LRP4: variants seen among roughly 807,000 people sequenced by gnomAD.
LRP4 encodes low-density lipoprotein receptor-related protein 4.
LRP4 carries 95 observed loss-of-function variants against 220.3 expected under a neutral mutation model. The observed-to-expected ratio is 0.43, with a 90% confidence interval of 0.37 to 0.51. The LOEUF is 0.51. LRP4 is among the 20% of genes least tolerant of loss of function. The pLI is 0.00. For missense variants in LRP4, 1,925 were observed against 2,567.0 expected (o/e 0.75, Z 5.40); for synonymous variants, 903 against 954.6 (o/e 0.95, Z 1.00).
At chr11:46,896,817 C>A in intron 8 of LRP4, 52 bp downstream of exon 8, 1 of 1,613,308 alleles carries the variant, frequency 6.2e-7, no homozygotes, top group Non-Finnish European at 8.5e-7. Flanking sequence ...CTTTTCCACC[C>A]TTCCACCCCA....
At position 46,873,742 on chromosome 11, in the gene LRP4, A is replaced by G. The variant is rs1405396322; in HGVS notation, c.4230-149T>C. 6.5e-6 allele frequency: 4 copies of G among 615,684 alleles called. No homozygotes were observed. Among genetic ancestry groups the G allele is most frequent in the Non-Finnish European group, 8.6e-6 (3 of 349,878 alleles). 38.1% of individuals were successfully genotyped at this position (615,684 alleles called of 1,614,324 possible). On this transcript the variant is annotated intron_variant, in intron 28 of 37. Transcript: ENST00000378623. The surrounding 1 kb of genome is among the most constrained non-coding windows in gnomAD (Gnocchi z 4.2). Reference sequence around the variant, plus strand: ...TCTATGAGTACATTCCTCAGCACCCAGCATGATAGATGTTCAATAAAATAA... The same window carrying G: ...TCTATGAGTACATTCCTCAGCACCCGGCATGATAGATGTTCAATAAAATAA...
chr11:46,866,445 C>A (rs1940702778), intron 34 of LRP4, among the ~76,000 whole-genome samples: 1 of 145,776 alleles, frequency 6.9e-6, no homozygotes, highest in African/African-American at 2.7e-5. Flanking sequence ...CCATGCCTGG[C>A]TAATTAAAAA....
chr11:46,882,017 C>T (rs1941174498), intron 19 of LRP4, 114 bp from the exon 20 acceptor site: 1 of 973,806 alleles, frequency 1.0e-6, no homozygotes, highest in Admixed American at 2.0e-5. Context: ...CAGCCTCAGC[C>T]TCCTGCATCA....
chr11:46,893,160 G>A (rs767873190), intron 12 of LRP4, 31 bp from the exon 13 acceptor site: 6 of 1,613,948 alleles, frequency 3.7e-6, no homozygotes, highest in African/African-American at 1.3e-5. Context: ...AAAATGTCAA[G>A]GAGTCAACCC....
At chr11:46,895,046 G>T in intron 11 of LRP4, 120 bp downstream of exon 11, 2 of 1,411,472 alleles carry the variant, frequency 1.4e-6, no homozygotes, top group Non-Finnish European at 2.0e-6. Flanking sequence ...TGCAACTGTT[G>T]CTGCATTTTA....
chr11:46,908,381 T>A (rs1941796035), intron 1 of LRP4, among the ~76,000 whole-genome samples: 1 of 152,222 alleles, frequency 6.6e-6, no homozygotes, highest in South Asian at 2.1e-4. Flanking sequence ...TGCCATTACT[T>A]TTAATGACAA....
In LRP4 at chr11:46,886,184, G is replaced by A. The variant is rs1229959372; in HGVS notation, c.2425-12C>T. On this transcript the variant is annotated splice_polypyrimidine_tract_variant and intron_variant, in intron 17 of 37. Transcript: ENST00000378623. The stretch of plus-strand genomic sequence containing the variant: ...GTATCCACTACCACCTGGGCAGGAA[G>A]CAAAGCTGTATCACCAACTGTACTT... 1 of 1,612,884 alleles carries A rather than the reference G, an allele frequency of 6.2e-7. No homozygotes were observed. Among genetic ancestry groups the A allele is most frequent in the Non-Finnish European group, 8.5e-7 (1 of 1,178,934 alleles).
At chr11:46,903,137 G>A (rs1011686477) in intron 1 of LRP4, among the ~76,000 whole-genome samples, 1 of 152,168 alleles carries the variant, frequency 6.6e-6, no homozygotes, top group Admixed American at 6.5e-5. Flanking sequence ...CTTACAAAGA[G>A]TCCAGGTGAC....
Position 46,890,590 on chromosome 11 carries a change from G to A in LRP4, c.1698-96C>T. The stretch of plus-strand genomic sequence containing the variant: ...AGGGCGCTTTTATCCATTTAACTCA[G>A]GGGACTCCAATGTTTGGTCCACAGA... On this transcript the variant is annotated intron_variant, in intron 13 of 37. Coordinates refer to ENST00000378623, the MANE Select transcript of LRP4 (RefSeq NM_002334.4). This position sits in a 1 kb window ranked among gnomAD's most constrained non-coding sequence, Gnocchi z 5.3. 1 of 827,898 alleles carries A rather than the reference G, an allele frequency of 1.2e-6. No homozygotes were observed. 51.3% of individuals were successfully genotyped at this position (827,898 alleles called of 1,614,324 possible).
In LRP4 at chr11:46,876,370, G is replaced by A. The variant is rs147120829; in HGVS notation, c.3536+96C>T. On this transcript the variant is annotated intron_variant, in intron 25 of 37. Transcript: ENST00000378623. ...CCCAGGGAGGTCACCTTGTTTCTGT[G>A]ATGCAAGCTTCCTCTCCACTACCCA... is the stretch of plus-strand genomic sequence containing the variant. 1,985 of 1,452,152 alleles carry A rather than the reference G, an allele frequency of 1.4e-3. 2 individuals are homozygous for A. Among genetic ancestry groups the A allele is most frequent in the Non-Finnish European group, 1.7e-3 (1,759 of 1,034,522 alleles). The allele number at this position is 1,452,152 out of a possible 1,614,324, so 90.0% of individuals were successfully genotyped here. A position where few individuals can be genotyped will look rare whatever the true frequency, so the allele number is the denominator to read the frequency against.
At chr11:46,864,402 A>AT in intron 36 of LRP4, 46 bp downstream of exon 36, 18 of 1,353,342 alleles carry the variant, frequency 1.3e-5, no homozygotes, top group Non-Finnish European at 1.7e-5. Context: ...AGACATGCTC[A>AT]TGAAGACCAA....
chr11:46,910,632 C>T (rs985277353), intron 1 of LRP4, among the ~76,000 whole-genome samples: 2 of 149,450 alleles, frequency 1.3e-5, no homozygotes, highest in African/African-American at 4.9e-5. Context: ...GCTTTATTGC[C>T]TTTCTCTGAA....
In LRP4 at chr11:46,899,596, G is replaced by A. The variant is rs949930742; in HGVS notation, c.431-93C>T. On this transcript the variant is annotated intron_variant, in intron 4 of 37. Coordinates refer to ENST00000378623, the MANE Select transcript of LRP4 (RefSeq NM_002334.4). This position sits in a 1 kb window ranked among gnomAD's most constrained non-coding sequence, Gnocchi z 5.9. Reference sequence around the variant, plus strand: ...GACTCCCAACCTCACTGGCTTTGGCGGGTCTGACCTAGCCCCCGAAAGGCA... The same window carrying A: ...GACTCCCAACCTCACTGGCTTTGGCAGGTCTGACCTAGCCCCCGAAAGGCA... 9 of 966,556 alleles carry A rather than the reference G, an allele frequency of 9.3e-6. No individual in the cohort carries two copies. The highest frequency in any genetic ancestry group is 2.4e-5 in the East Asian group (1 of 42,022). 59.9% of individuals were successfully genotyped at this position (966,556 alleles called of 1,614,324 possible).
intron 30 of LRP4, 174 bp downstream of exon 30, chr11:46,872,926 G>A: frequency 2.0e-6 from 2 of 979,526 alleles, no homozygotes; most frequent in Non-Finnish European, 3.2e-6. Flanking sequence ...TAAGGGTTGA[G>A]GGCTGGATTT....
intron 1 of LRP4, among the ~76,000 whole-genome samples, chr11:46,915,920 T>G (rs1393415491): frequency 6.6e-6 from 1 of 152,074 alleles, no homozygotes; most frequent in Non-Finnish European, 1.5e-5. Context: ...TGGAATTGAG[T>G]GTCAGTCCAA....
At chr11:46,903,779 G>A (rs914812308) in intron 1 of LRP4, among the ~76,000 whole-genome samples, 2 of 152,080 alleles carry the variant, frequency 1.3e-5, no homozygotes, top group Non-Finnish European at 2.9e-5. Context: ...GCTGCTCTGA[G>A]TCCCCCAGGC....
At position 46,883,885 on chromosome 11, in the gene LRP4, C is replaced by T. The variant is rs1300144688; in HGVS notation, c.2598G>A (p.Val866=). The T allele has an allele frequency of 6.2e-7, 1 of 1,614,020 alleles. No homozygotes were observed. The highest frequency in any genetic ancestry group is 1.7e-5 in the Admixed American group (1 of 60,006). Reference sequence around the variant, plus strand: ...CAGCCACTCACCCGCCCATGGGTTCCACCACGATGTCCCGAGGACGATCAA... The same window carrying T: ...CAGCCACTCACCCGCCCATGGGTTCTACCACGATGTCCCGAGGACGATCAA... The part of the protein sequence containing the change: ...ENLDRPRDIV[V]EPMGGYMYWT... Residue 866 remains valine (V), a synonymous_variant, in exon 19 of 38, where the codon GTG becomes GTA. Coordinates refer to ENST00000378623, the MANE Select transcript of LRP4 (RefSeq NM_002334.4).
rs1325569115 is a variant in LRP4 at position 46,918,387 on chromosome 11, C to T, written c.-8G>A. 2 of 1,432,372 alleles carry T rather than the reference C, an allele frequency of 1.4e-6. No individual in the cohort carries two copies. Among genetic ancestry groups the T allele is most frequent in the Middle Eastern group, 2.5e-4 (1 of 4,044 alleles). The allele number at this position is 1,432,372 out of a possible 1,614,324, so 88.7% of individuals were successfully genotyped here. ...GCCCCACTGCCGCCTCATGGTGCCG[C>T]CCGCGCCGCTCGCCCGGGGTCCCGC... is the stretch of plus-strand genomic sequence containing the variant. On this transcript the variant is annotated 5_prime_UTR_variant, in exon 1 of 38. Coordinates refer to ENST00000378623, the MANE Select transcript of LRP4 (RefSeq NM_002334.4). The surrounding 1 kb of genome is among the most constrained non-coding windows in gnomAD (Gnocchi z 6.0).
chr11:46,885,974 T>C (rs920142927), intron 18 of LRP4, 117 bp downstream of exon 18: 5 of 888,610 alleles, frequency 5.6e-6, no homozygotes, highest in African/African-American at 4.9e-5. Context: ...TACCAAGGAC[T>C]TGAAGTGAAG....
Sources: allele counts gnomAD v4.1 joint callset (sites outside exome capture counted in the v4.1 genomes callset), GRCh38; gene constraint gnomAD v4.1.1; non-coding constraint Gnocchi (gnomAD v3.1); transcripts MANE v1.5; gene names NCBI Gene and HGNC (gene_info 2026-07-23, HGNC 2026-07-21).